P2RY8: variants seen among roughly 807,000 people sequenced by gnomAD.
P2RY8 encodes the protein P2Y receptor family member 8.
A neutral mutation model predicts 10.0 loss-of-function variants in P2RY8; 6 were observed. The observed-to-expected ratio is 0.60, with a 90% CI of 0.33 to 1.19. P2RY8 has a LOEUF of 1.19. Ranked by LOEUF, P2RY8 falls within the 50% of genes most tolerant of loss-of-function variation. The pLI is 0.04. For synonymous variants in P2RY8, 276 were observed against 252.5 expected (o/e 1.09, Z -0.88); for missense variants, 456 against 542.0 (o/e 0.84, Z 1.58).
At chrX:1,501,325 C>T (rs763484387) in intron 1 of P2RY8, among the ~76,000 whole-genome samples, 1 of 152,280 alleles carries the variant, frequency 6.6e-6, no homozygotes, top group Admixed American at 6.5e-5. Flanking sequence ...CTGTGTTTGA[C>T]TTTCTGATGC....
At chrX:1,520,582 C>CAT (rs2092383791) in intron 1 of P2RY8, among the ~76,000 whole-genome samples, 1 of 151,618 alleles carries the variant, frequency 6.6e-6, no homozygotes, top group South Asian at 2.1e-4. Flanking sequence ...TCAATTATCT[C>CAT]ATTGGTCCCT....
chrX:1,486,372 T>C (rs2091986706), intron 1 of P2RY8, among the ~76,000 whole-genome samples: 1 of 152,112 alleles, frequency 6.6e-6, no homozygotes, highest in South Asian at 2.1e-4. Flanking sequence ...CACAGTGGAA[T>C]AGTATACAGC....
chrX:1,475,081 G>A (rs1358814292), intron 1 of P2RY8, among the ~76,000 whole-genome samples: 1 of 143,772 alleles, frequency 7.0e-6, no homozygotes, highest in Non-Finnish European at 1.5e-5. Flanking sequence ...ATGAATAGGT[G>A]TATGCCTGTG....
intron 1 of P2RY8, among the ~76,000 whole-genome samples, chrX:1,532,378 ATG>A (rs1391638794): frequency 6.8e-5 from 9 of 132,730 alleles, no homozygotes; most frequent in Non-Finnish European, 1.4e-4. Flanking sequence ...TACGTATATG[ATG>A]TGTGTATATG....
At chrX:1,469,306 T>A (rs779888298) in intron 1 of P2RY8, among the ~76,000 whole-genome samples, 1 of 150,388 alleles carries the variant, frequency 6.6e-6, no homozygotes, top group Non-Finnish European at 1.5e-5. Flanking sequence ...TGGGATTACA[T>A]GCATGCACCA....
Position 1,480,905 on chromosome X carries a change from G to GA in P2RY8, c.-24-14324dup, listed in dbSNP as rs200171198. Among the ~76,000 whole-genome samples the GA allele has an allele frequency of 1.6e-3, 237 of 148,096 alleles. 2 individuals carry two copies. Among genetic ancestry groups the GA allele is most frequent in the Non-Finnish European group, 1.6e-3 (110 of 66,780 alleles). Reference sequence around the variant, plus strand: ...AAAAACTCTTAAGATTCAACCACTGGAAAAAAAAAAAACCATTTAAACATG... The same window carrying GA: ...AAAAACTCTTAAGATTCAACCACTGGAAAAAAAAAAAAACCATTTAAACATG... On this transcript the variant is annotated intron_variant, in intron 1 of 1. Coordinates refer to ENST00000381297, the MANE Select transcript of P2RY8 (RefSeq NM_178129.5).
intron 1 of P2RY8, among the ~76,000 whole-genome samples, chrX:1,475,853 A>G (rs1339979603): frequency 6.6e-6 from 1 of 152,176 alleles, no homozygotes; most frequent in Non-Finnish European, 1.5e-5. Flanking sequence ...AATGTCCAAC[A>G]CTAGCAGAGT....
intron 1 of P2RY8, among the ~76,000 whole-genome samples, chrX:1,518,907 A>G (rs1187875525): frequency 6.6e-6 from 1 of 151,512 alleles, no homozygotes; most frequent in East Asian, 1.9e-4. Context: ...AATCTTCCTG[A>G]TCCCCAATCA....
chrX:1,519,319 G>A (rs1290784201), intron 1 of P2RY8, among the ~76,000 whole-genome samples: 1 of 144,802 alleles, frequency 6.9e-6, no homozygotes, highest in Non-Finnish European at 1.5e-5. Flanking sequence ...TATCTCCTTG[G>A]TCCCTAATAA....
At chrX:1,471,118 C>T (rs1301628453) in intron 1 of P2RY8, among the ~76,000 whole-genome samples, 2 of 151,816 alleles carry the variant, frequency 1.3e-5, no homozygotes, top group African/African-American at 2.4e-5. Flanking sequence ...AGCAATTTTC[C>T]TGCCTCAGCC....
At chrX:1,532,524 GTA>G (rs758035830) in intron 1 of P2RY8, among the ~76,000 whole-genome samples, 4 of 148,202 alleles carry the variant, frequency 2.7e-5, no homozygotes, top group South Asian at 4.3e-4. Flanking sequence ...TATATGATGT[GTA>G]TATATATATA....
At chrX:1,507,493 C>A (rs185316071) in intron 1 of P2RY8, among the ~76,000 whole-genome samples, 36 of 152,282 alleles carry the variant, frequency 2.4e-4, no homozygotes, top group African/African-American at 7.5e-4. Context: ...AAAGCTGTCG[C>A]TCATATCCCC....
intron 1 of P2RY8, among the ~76,000 whole-genome samples, chrX:1,484,768 C>T (rs1322176323): frequency 3.7e-5 from 4 of 108,512 alleles, no homozygotes; most frequent in Non-Finnish European, 5.9e-5. Context: ...GAAGAAGAAG[C>T]GGCAGCTGGG....
At chrX:1,507,979 G>A in intron 1 of P2RY8, among the ~76,000 whole-genome samples, 1 of 152,178 alleles carries the variant, frequency 6.6e-6, no homozygotes, top group Middle Eastern at 3.4e-3. Context: ...CCATCCCTCA[G>A]GAGACCTCCC....
At chrX:1,495,394 G>A (rs184775336) in intron 1 of P2RY8, among the ~76,000 whole-genome samples, 75 of 152,224 alleles carry the variant, frequency 4.9e-4, no homozygotes, top group Middle Eastern at 3.4e-3. Context: ...AGTGGGCCCT[G>A]ATCCAATAGG....
chrX:1,520,133 A>T, intron 1 of P2RY8, among the ~76,000 whole-genome samples: 1 of 143,820 alleles, frequency 7.0e-6, no homozygotes, highest in Non-Finnish European at 1.5e-5. Context: ...CATCTTTCTG[A>T]CCCCCAATAA....
At chrX:1,520,669 G>A (rs760388013) in intron 1 of P2RY8, among the ~76,000 whole-genome samples, 9 of 150,762 alleles carry the variant, frequency 6.0e-5, no homozygotes, top group African/African-American at 1.7e-4. Context: ...CTGATCCTCA[G>A]TCATCTCTTT....
chrX:1,477,188 C>CAA (rs753336144), intron 1 of P2RY8, among the ~76,000 whole-genome samples: 6 of 145,174 alleles, frequency 4.1e-5, no homozygotes, highest in Admixed American at 1.4e-4. Context: ...GACTGCATCT[C>CAA]AAAAAAAAAA....
At chrX:1,524,633 C>T (rs2092422795) in intron 1 of P2RY8, among the ~76,000 whole-genome samples, 3 of 85,260 alleles carry the variant, frequency 3.5e-5, no homozygotes, top group Admixed American at 1.3e-4. Context: ...ATTCATCCAT[C>T]CATCCATCCA....
Sources: gnomAD v4.1 joint callset for allele counts (sites outside exome capture counted in the v4.1 genomes callset) on GRCh38, gnomAD v4.1.1 for gene constraint, MANE v1.5 for transcripts, NCBI Gene and HGNC (gene_info 2026-07-23, HGNC 2026-07-21) for gene names.